Variants in POMT1 observed in about 807,000 individuals in gnomAD.
POMT1 encodes the protein protein O-mannosyltransferase 1.
In POMT1, 85 loss-of-function variants were observed where a neutral mutation model predicts 101.6. The observed-to-expected ratio is 0.84, with a 90% CI of 0.70 to 1.00. POMT1 has a LOEUF of 1.00. POMT1 is among the 50% of genes least tolerant of loss of function. The pLI is 0.00. For missense variants in POMT1, 857 were observed against 930.4 expected (o/e 0.92, Z 1.03); for synonymous variants, 371 against 383.0 (o/e 0.97, Z 0.37).
chr9:131,520,579 A>G (rs975967234), intron 17 of POMT1, among the ~76,000 whole-genome samples: 2 of 152,246 alleles, frequency 1.3e-5, no homozygotes, highest in African/African-American at 2.4e-5. Flanking sequence ...CCGGGCGCAC[A>G]GTCAGCGCCC....
In POMT1 at chr9:131,507,403, CT is replaced by C. The variant is rs1276107336; in HGVS notation, c.317del (p.Leu106ArgfsTer17). The stretch of plus-strand genomic sequence containing the variant: ...CAACGTGCCTGTGTGGTCCCTGCGC[CT>C]GCTGCCAGCACTCGCGGGGGCCTTG... ...SSNVPVWSLRLLPALAGALSV... is the reference protein window; with the variant it reads ...SSNVPVWSLRXLPALAGALSV... On this transcript the variant is annotated frameshift_variant, in exon 5 of 20. Transcript: ENST00000402686. LOFTEE classifies it high-confidence loss of function. 1 of 1,614,110 alleles carries C rather than the reference CT, an allele frequency of 6.2e-7. No individual in the cohort carries two copies. The highest frequency in any genetic ancestry group is 8.5e-7 in the Non-Finnish European group (1 of 1,180,048).
rs1464172409 is a variant in POMT1 at position 131,503,749 on chromosome 9, G to A, written c.-30-440G>A. ...CACTGGGGGCAGATGCATCCTTGAG[G>A]AGAGATGAGGAGGCCCCGAGGCTCG... On this transcript the variant is annotated intron_variant, in intron 1 of 19. Coordinates refer to ENST00000402686, the MANE Select transcript of POMT1 (RefSeq NM_001077365.2). This position sits in a 1 kb window ranked among gnomAD's most constrained non-coding sequence, Gnocchi z 4.4. Among the ~76,000 whole-genome samples the A allele has an allele frequency of 6.6e-6, 1 of 152,198 alleles. No homozygotes were observed. The highest frequency in any genetic ancestry group is 6.5e-5 in the Admixed American group (1 of 15,280).
chr9:131,504,422 G>T, intron 2 of POMT1, 82 bp downstream of exon 2: 1 of 1,603,860 alleles, frequency 6.2e-7, no homozygotes, highest in East Asian at 2.2e-5. Flanking sequence ...TAGCATAAAT[G>T]GGAGAGTGAA....
At chr9:131,514,677 C>T (rs140813349) in intron 12 of POMT1, among the ~76,000 whole-genome samples, 106 of 152,286 alleles carry the variant, frequency 7.0e-4, no homozygotes, top group Middle Eastern at 3.4e-3. Flanking sequence ...TGTTCCTGAC[C>T]GGGCGTGCTG....
intron 9 of POMT1, 41 bp from the exon 10 acceptor site, chr9:131,511,296 C>G (rs367742292): frequency 6.3e-7 from 1 of 1,579,010 alleles, no homozygotes; most frequent in East Asian, 2.3e-5. Flanking sequence ...GGTCATTTTT[C>G]TTTCTGTCTC....
intron 18 of POMT1, 55 bp downstream of exon 18, chr9:131,521,527 G>T: frequency 1.3e-6 from 2 of 1,587,600 alleles, no homozygotes; most frequent in Non-Finnish European, 1.7e-6. Context: ...ATGGGGTCTT[G>T]CTGTGTTGTC....
At position 131,512,083 on chromosome 9, in the gene POMT1, C is replaced by A. The variant is rs377027907; in HGVS notation, c.1029C>A (p.Thr343=). ...GRGSSHQQQV[T]CYPFKDVNNW... is the part of the protein sequence containing the mutation. ...GCAGCTCCCACCAGCAACAGGTGACCTGTTACCCCTTCAAAGATGTCAATA... is the reference window on the plus strand; with the variant it reads ...GCAGCTCCCACCAGCAACAGGTGACATGTTACCCCTTCAAAGATGTCAATA... Residue 343 remains threonine, a synonymous_variant, in exon 11 of 20, where the codon ACC becomes ACA. Transcript: ENST00000402686. The A allele has an allele frequency of 6.2e-7, 1 of 1,614,050 alleles. No individual in the cohort carries two copies. The highest frequency in any genetic ancestry group is 8.5e-7 in the Non-Finnish European group (1 of 1,180,030).
chr9:131,521,760 G>A (rs2131912057), intron 18 of POMT1, among the ~76,000 whole-genome samples: 1 of 152,354 alleles, frequency 6.6e-6, no homozygotes, highest in East Asian at 1.9e-4. Flanking sequence ...CGTTAGAGGT[G>A]TCTCCAGTCG....
Position 131,519,325 on chromosome 9 carries a change from C to T in POMT1, c.1487-64C>T. 1 of 1,482,714 alleles carries T rather than the reference C, an allele frequency of 6.7e-7. No homozygotes were observed. Among genetic ancestry groups the T allele is most frequent in the Non-Finnish European group, 9.2e-7 (1 of 1,087,336 alleles). 91.8% of individuals were successfully genotyped at this position (1,482,714 alleles called of 1,614,324 possible). ...AGCCAGCTTTTTGCTGCACTGACAG[C>T]TTCTGCTCTGAGCTCTTGACCTTGT... On this transcript the variant is annotated intron_variant, in intron 15 of 19. Transcript: ENST00000402686. The surrounding 1 kb of genome is among the most constrained non-coding windows in gnomAD (Gnocchi z 4.3).
rs760253836 is a variant in POMT1 at position 131,509,962 on chromosome 9, C to A, written c.665C>A (p.Ala222Asp). Reference protein sequence around the residue: ...VLVLGVAAVHAWHLLGDQTLS... With the variant: ...VLVLGVAAVHDWHLLGDQTLS... ...GTGCTGGGTGTTGCAGCTGTCCATGCCTGGCACCTGCTTGGAGACCAGACT... is the reference window on the plus strand; with the variant it reads ...GTGCTGGGTGTTGCAGCTGTCCATGACTGGCACCTGCTTGGAGACCAGACT... The change falls in exon 8 of 20, where the codon GCC becomes GAC. Residue 222 changes from alanine to aspartate, a missense_variant. Coordinates refer to ENST00000402686, the MANE Select transcript of POMT1 (RefSeq NM_001077365.2). 1 of 1,614,234 alleles carries A rather than the reference C, an allele frequency of 6.2e-7. No individual in the cohort carries two copies. The highest frequency in any genetic ancestry group is 8.5e-7 in the Non-Finnish European group (1 of 1,180,038).
Position 131,507,443 on chromosome 9 carries a change from C to T in POMT1, c.356C>T (p.Ala119Val). ...GCGGGGGCCTTGTCGGTCCCCATGG[C>T]CTACCAGATAGTGTTGGAGCTCCAC... is the stretch of plus-strand genomic sequence containing the variant. The part of the protein sequence containing the change: ...ALAGALSVPM[A>V]YQIVLELHFS... Residue 119 changes from alanine to valine, a missense_variant, in exon 5 of 20, where the codon GCC becomes GTC. Ala to Val is a moderately conservative substitution (Grantham distance 64). Coordinates refer to ENST00000402686, the MANE Select transcript of POMT1 (RefSeq NM_001077365.2). 1.2e-6 allele frequency: 2 copies of T among 1,614,178 alleles called. No individual in the cohort carries two copies. The highest frequency in any genetic ancestry group is 1.1e-5 in the South Asian group (1 of 91,090).
In POMT1 at chr9:131,519,499, CA is replaced by C. The variant is rs1316168657; in HGVS notation, c.1584+14del. 1 of 1,548,848 alleles carries C rather than the reference CA, an allele frequency of 6.5e-7. No homozygotes were observed. Among genetic ancestry groups the C allele is most frequent in the Admixed American group, 2.0e-5 (1 of 51,000 alleles). ...CTCGGAGCTGCAGGTGAGGAGCGGC[CA>C]GGGGAAGCTGGCCTAGCTCGCTGAG... On this transcript the variant is annotated intron_variant, in intron 16 of 19. Transcript: ENST00000402686. The surrounding 1 kb of genome is among the most constrained non-coding windows in gnomAD (Gnocchi z 4.3).
intron 12 of POMT1, 58 bp from the exon 13 acceptor site, chr9:131,515,368 T>C (rs1487008193): frequency 9.2e-6 from 14 of 1,528,018 alleles, no homozygotes; most frequent in South Asian, 6.7e-5. Flanking sequence ...AAAGATTTAG[T>C]AATTGCCTTC....
Position 131,523,109 on chromosome 9 carries a change from CAA to C in POMT1, c.*4_*5del, listed in dbSNP as rs1187538631. ...ACATCTTGATCCGAAAACACTAGAACAAGAGTGTGGCAAAGAACACCCGTGCT... is the reference window on the plus strand; with the variant it reads ...ACATCTTGATCCGAAAACACTAGAACGAGTGTGGCAAAGAACACCCGTGCT... On this transcript the variant is annotated 3_prime_UTR_variant, in exon 20 of 20. Transcript: ENST00000402686. 1.1e-5 allele frequency: 18 copies of C among 1,610,136 alleles called. 1 individual carries two copies. In the East Asian group the frequency reaches 4.0e-4, roughly 36 times the overall value.
intron 4 of POMT1, among the ~76,000 whole-genome samples, chr9:131,507,062 G>A (rs533636043): frequency 3.6e-4 from 54 of 149,524 alleles, no homozygotes; most frequent in Admixed American, 6.0e-4. Flanking sequence ...GCAAGACTCC[G>A]TCTCAGAGAA....
intron 4 of POMT1, 60 bp from the exon 5 acceptor site, chr9:131,507,308 A>G (rs767862363): frequency 1.2e-6 from 2 of 1,611,142 alleles, no homozygotes; most frequent in Non-Finnish European, 1.7e-6. Context: ...GCATAGCTGC[A>G]GTACACAGAG....
chr9:131,520,404 G>A (rs538338305), intron 17 of POMT1, among the ~76,000 whole-genome samples: 15 of 152,310 alleles, frequency 9.8e-5, no homozygotes, highest in African/African-American at 2.6e-4. Flanking sequence ...AAGGAAACCC[G>A]GCTTGATTGC....
Position 131,519,519 on chromosome 9 carries a change from C to T in POMT1, c.1584+33C>T, listed in dbSNP as rs1022659578. On this transcript the variant is annotated intron_variant, in intron 16 of 19. Transcript: ENST00000402686. The surrounding 1 kb of genome is among the most constrained non-coding windows in gnomAD (Gnocchi z 4.3). The stretch of plus-strand genomic sequence containing the variant: ...GCGGCCAGGGGAAGCTGGCCTAGCT[C>T]GCTGAGCATTGACTCCTCAGCAGGG... The T allele has an allele frequency of 1.7e-5, 27 of 1,542,866 alleles. No homozygotes were observed. Among genetic ancestry groups the T allele is most frequent in the Middle Eastern group, 1.7e-4 (1 of 6,004 alleles).
At chr9:131,517,202 C>T (rs997876670) in intron 13 of POMT1, among the ~76,000 whole-genome samples, 3 of 151,898 alleles carry the variant, frequency 2.0e-5, no homozygotes, top group African/African-American at 4.8e-5. Context: ...TCATGGCCAG[C>T]CCTCACAGCA....
Sources: allele counts gnomAD v4.1 joint callset (sites outside exome capture counted in the v4.1 genomes callset), GRCh38; gene constraint gnomAD v4.1.1; non-coding constraint Gnocchi (gnomAD v3.1); transcripts MANE v1.5; gene names NCBI Gene and HGNC (gene_info 2026-07-23, HGNC 2026-07-21).